The following OPHN1 variants were observed in gnomAD, a reference collection of about 807,000 sequenced individuals.
OPHN1 encodes oligophrenin 1.
OPHN1 carries 11 observed loss-of-function variants against 60.7 expected under a neutral mutation model. That is an observed-to-expected ratio of 0.18 (90% confidence interval 0.11 to 0.30). The LOEUF (loss-of-function observed/expected upper bound fraction) is 0.30. Among genes scored for constraint, OPHN1 ranks in the 10% least tolerant of loss-of-function variants. The pLI is 1.00. For synonymous variants in OPHN1, 226 were observed against 222.6 expected (o/e 1.02, Z -0.14); for missense variants, 449 against 611.0 (o/e 0.73, Z 2.80).
chrX:68,420,526 C>T (rs2078821319), intron 2 of OPHN1, among the ~76,000 whole-genome samples: 1 of 111,832 alleles, frequency 8.9e-6, no homozygotes, highest in Admixed American at 9.5e-5. Context: ...CATCCTAAAA[C>T]CCAACTCAAT....
rs1182757871 is a variant in OPHN1, at chrX:68,233,285, A to T, written c.486+1202T>A. ...ACCTCAGATGATGTGATGGATATCT[A>T]TGAAACCAGTTATCAGGAGATGAGC... On this transcript the variant is annotated intron_variant, in intron 6 of 24. Transcript: ENST00000355520. 2.7e-5 allele frequency among the ~76,000 whole-genome samples: 3 copies of T among 111,863 alleles called. No individual in the cohort carries two copies. In the Admixed American group the frequency reaches 2.8e-4, roughly 11 times the overall value.
chrX:68,306,059 T>A (rs753458618), intron 2 of OPHN1, among the ~76,000 whole-genome samples: 1 of 112,302 alleles, frequency 8.9e-6, no homozygotes, highest in African/African-American at 3.2e-5. Context: ...GTGAGGGAGC[T>A]GCTGAATAAA....
intron 15 of OPHN1, among the ~76,000 whole-genome samples, chrX:68,177,545 AAG>A (rs1401667814): frequency 9.0e-6 from 1 of 110,825 alleles, no homozygotes; most frequent in African/African-American, 3.3e-5. Flanking sequence ...ATTAAAAAAA[AAG>A]AGGTTTAATT....
At chrX:68,350,648 AT>A (rs1407294002) in intron 2 of OPHN1, among the ~76,000 whole-genome samples, 2 of 107,849 alleles carry the variant, frequency 1.9e-5, no homozygotes, top group Non-Finnish European at 3.8e-5. Flanking sequence ...TCCCAAGTAG[AT>A]GGGACTACAG....
intron 5 of OPHN1, among the ~76,000 whole-genome samples, chrX:68,246,670 C>T (rs775580443): frequency 1.3e-4 from 14 of 110,683 alleles, no homozygotes; most frequent in African/African-American, 2.3e-4. Flanking sequence ...TTGAAATAGG[C>T]GAAAATGGGT....
chrX:68,417,182 A>G (rs1442771636), intron 2 of OPHN1, among the ~76,000 whole-genome samples: 1 of 110,799 alleles, frequency 9.0e-6, no homozygotes, highest in East Asian at 2.8e-4. Context: ...TGCAACTTCC[A>G]CCTCTGGGGT....
chrX:68,128,832 C>T (rs1017477183), intron 15 of OPHN1, among the ~76,000 whole-genome samples: 14 of 111,860 alleles, frequency 1.3e-4, no homozygotes, highest in South Asian at 7.4e-4. Flanking sequence ...GATTATGTGG[C>T]ATGGTCATAG....
chrX:68,324,675 T>G (rs1340340276), intron 2 of OPHN1, among the ~76,000 whole-genome samples: 1 of 108,992 alleles, frequency 9.2e-6, no homozygotes, highest in Non-Finnish European at 1.9e-5. Context: ...TTAAAGGGGT[T>G]CATCATAGCA....
intron 15 of OPHN1, among the ~76,000 whole-genome samples, chrX:68,162,682 T>C (rs1396290408): frequency 9.0e-6 from 1 of 110,974 alleles, no homozygotes; most frequent in Non-Finnish European, 1.9e-5. Flanking sequence ...TAAATTCACA[T>C]GTCATTATAT....
intron 2 of OPHN1, among the ~76,000 whole-genome samples, chrX:68,305,486 G>T (rs2078140910): frequency 8.9e-6 from 1 of 112,433 alleles, no homozygotes; most frequent in African/African-American, 3.2e-5. Flanking sequence ...CATGTTCCAG[G>T]CTATTCATAG....
chrX:68,381,573 C>G lies in OPHN1; in HGVS notation c.154+51294G>C, dbSNP rs146756223. Among the ~76,000 whole-genome samples, 30 of 111,736 alleles carry G rather than the reference C, an allele frequency of 2.7e-4. No individual in the cohort carries two copies. The East Asian group carries it at 8.2e-3, about 31-fold the overall frequency. ...TACTTCCTGGCATTCCCACTCCTAT[C>G]CATTTGATTTTATTTCCACCTAGGT... On this transcript the variant is annotated intron_variant, in intron 2 of 24. Transcript: ENST00000355520.
At chrX:68,135,458 T>G (rs2077215491) in intron 15 of OPHN1, among the ~76,000 whole-genome samples, 1 of 110,575 alleles carries the variant, frequency 9.0e-6, no homozygotes, top group East Asian at 2.9e-4. Flanking sequence ...GCCTTTTGGG[T>G]TATTGGAAGG....
intron 2 of OPHN1, among the ~76,000 whole-genome samples, chrX:68,431,226 G>C (rs1269195116): frequency 9.0e-6 from 1 of 111,699 alleles, no homozygotes; most frequent in Non-Finnish European, 1.9e-5. Context: ...GTTTACTCTT[G>C]GTCAGGCCAC....
chrX:68,325,326 C>T (rs2078255492), intron 2 of OPHN1, among the ~76,000 whole-genome samples: 1 of 108,452 alleles, frequency 9.2e-6, no homozygotes, highest in Non-Finnish European at 1.9e-5. Context: ...ATAATCAAGA[C>T]AGTCTAGTTG....
intron 18 of OPHN1, among the ~76,000 whole-genome samples, chrX:68,109,357 CT>C (rs1300685824): frequency 9.0e-6 from 1 of 111,351 alleles, no homozygotes; most frequent in African/African-American, 3.3e-5. Flanking sequence ...GTACTTCATC[CT>C]TTTTTATGGC....
intron 2 of OPHN1, among the ~76,000 whole-genome samples, chrX:68,355,231 C>A (rs768085008): frequency 8.9e-6 from 1 of 112,440 alleles, no homozygotes; most frequent in African/African-American, 3.2e-5. Context: ...CATCTAGAAT[C>A]TGCAAGAAAA....
intron 6 of OPHN1, among the ~76,000 whole-genome samples, chrX:68,219,288 G>C (rs1293918236): frequency 1.1e-4 from 9 of 80,970 alleles, no homozygotes; most frequent in Non-Finnish European, 1.4e-4. Context: ...AGCAAGTCCT[G>C]AGTGACCTAC....
intron 2 of OPHN1, among the ~76,000 whole-genome samples, chrX:68,347,521 T>C (rs2078384759): frequency 9.0e-6 from 1 of 110,976 alleles, no homozygotes; most frequent in African/African-American, 3.3e-5. Context: ...TCTCTCTATG[T>C]TGCTCAGGCT....
intron 21 of OPHN1, among the ~76,000 whole-genome samples, chrX:68,058,554 T>G (rs1204268086): frequency 1.8e-5 from 2 of 111,045 alleles, no homozygotes; most frequent in African/African-American, 6.6e-5. Context: ...GGTTGTGGGT[T>G]GAAAATATAA....
Sources: gnomAD v4.1 joint callset for allele counts (sites outside exome capture counted in the v4.1 genomes callset) on GRCh38, gnomAD v4.1.1 for gene constraint, MANE v1.5 for transcripts, NCBI Gene and HGNC (gene_info 2026-07-23, HGNC 2026-07-21) for gene names.